ANKS6: variants seen among roughly 807,000 people sequenced by gnomAD.
ANKS6 encodes ankyrin repeat and SAM domain-containing protein 6.
Under a neutral mutation model 77.9 loss-of-function variants are expected in ANKS6, and 47 were observed. That is an observed-to-expected ratio of 0.60 (90% CI 0.48 to 0.77). The LOEUF is 0.77. ANKS6 is among the 30% of genes least tolerant of loss of function. The pLI, the probability that ANKS6 is intolerant of heterozygous loss-of-function variation, is 0.00. For missense variants in ANKS6, 1,150 were observed against 1,159.1 expected, an observed-to-expected ratio of 0.99 and a Z score of 0.11; for synonymous variants, 488 against 501.7, an observed-to-expected ratio of 0.97 and a Z score of 0.37.
intron 2 of ANKS6, among the ~76,000 whole-genome samples, chr9:98,786,911 C>G (rs977190444): frequency 6.6e-6 from 1 of 152,160 alleles, no homozygotes; most frequent in Non-Finnish European, 1.5e-5. Flanking sequence ...CTGGGCAGGT[C>G]CCTTCCTCGC....
chr9:98,746,476 G>A (rs1832138605), intron 13 of ANKS6, among the ~76,000 whole-genome samples: 1 of 152,104 alleles, frequency 6.6e-6, no homozygotes, highest in African/African-American at 2.4e-5. Flanking sequence ...TGTGTGCAAA[G>A]CACCTTCTGA....
chr9:98,735,378 G>T lies in ANKS6; in HGVS notation c.*1141C>A. 2 of 1,092,592 alleles carry T rather than the reference G, an allele frequency of 1.8e-6. No homozygotes were observed. Among genetic ancestry groups the T allele is most frequent in the Non-Finnish European group, 2.2e-6 (2 of 900,878 alleles). The allele number at this position is 1,092,592 out of a possible 1,614,324, so 67.7% of individuals were successfully genotyped here. On this transcript the variant is annotated 3_prime_UTR_variant, in exon 15 of 15. Transcript: ENST00000353234. Reference sequence around the variant, plus strand: ...AGCTAACATAAATGCAACAAGCACTGGCTGAATGAGTCATTCACTGGAAAA... The same window carrying T: ...AGCTAACATAAATGCAACAAGCACTTGCTGAATGAGTCATTCACTGGAAAA...
At chr9:98,777,366 C>G in intron 8 of ANKS6, 39 bp downstream of exon 8, 1 of 1,601,232 alleles carries the variant, frequency 6.2e-7, no homozygotes, top group Non-Finnish European at 8.6e-7. Flanking sequence ...TGATGATTGC[C>G]GGAGACCTAA....
At position 98,796,297 on chromosome 9, in the gene ANKS6, G is replaced by A; in HGVS notation, c.195C>T (p.Val65=). Residue 65 remains valine (V), a synonymous_variant, in exon 1 of 15, where the codon GTC becomes GTT. Coordinates refer to ENST00000353234, the MANE Select transcript of ANKS6 (RefSeq NM_173551.5). ...AGPGAAAAGA[V]GAPVPVDCSD... ...AGCAATCCACGGGCACCGGAGCCCC[G>A]ACTGCCCCCGCCGCTGCGGCCCCGG... 1 of 1,275,730 alleles carries A rather than the reference G, an allele frequency of 7.8e-7. No individual in the cohort carries two copies. The highest frequency in any genetic ancestry group is 2.7e-5 in the South Asian group (1 of 36,758). 79.0% of individuals were successfully genotyped at this position (1,275,730 alleles called of 1,614,324 possible). A position where few individuals can be genotyped will look rare whatever the true frequency, so the allele number is the denominator to read the frequency against.
intron 11 of ANKS6, among the ~76,000 whole-genome samples, 188 bp from the exon 12 acceptor site, chr9:98,756,791 C>T (rs897359503): frequency 6.6e-6 from 1 of 152,070 alleles, no homozygotes; most frequent in Non-Finnish European, 1.5e-5. Flanking sequence ...GAGGAAAATG[C>T]AACCCTGGAG....
At chr9:98,749,959 C>T (rs1832340076) in intron 13 of ANKS6, among the ~76,000 whole-genome samples, 1 of 152,134 alleles carries the variant, frequency 6.6e-6, no homozygotes, top group South Asian at 2.1e-4. Context: ...GGCTGGTGGG[C>T]CTGTGGAGGA....
chr9:98,765,705 C>T (rs1833241544), intron 11 of ANKS6, among the ~76,000 whole-genome samples: 1 of 152,122 alleles, frequency 6.6e-6, no homozygotes. Flanking sequence ...CTCCAGAGAT[C>T]TGGGAAGTAT....
intron 4 of ANKS6, among the ~76,000 whole-genome samples, chr9:98,782,846 G>A (rs1002080914): frequency 6.6e-6 from 1 of 152,308 alleles, no homozygotes; most frequent in African/African-American, 2.4e-5. Context: ...ACTTTGGGAA[G>A]CCAAGGTGGG....
Position 98,732,430 on chromosome 9 carries a change from A to C in ANKS6, c.*4089T>G, listed in dbSNP as rs940617329. ...GACAGCAAGACCCAGAGTCAGGCAC[A>C]TTTGGAGGGCAGGTCCATCGGCCAC... On this transcript the variant is annotated 3_prime_UTR_variant, in exon 15 of 15. Coordinates refer to ENST00000353234, the MANE Select transcript of ANKS6 (RefSeq NM_173551.5). 76 of 1,487,650 alleles carry C rather than the reference A, an allele frequency of 5.1e-5. No homozygotes were observed. The East Asian group carries it at 1.8e-3, about 35-fold the overall frequency. 92.2% of individuals were successfully genotyped at this position (1,487,650 alleles called of 1,614,324 possible).
Position 98,784,878 on chromosome 9 carries a change from T to C in ANKS6, c.863-2A>G. ...TATCAGGTCGCCTTTTCTCCTCATCTGGGTAAACAAAGATTTTTAAAGTTA... is the reference window on the plus strand; with the variant it reads ...TATCAGGTCGCCTTTTCTCCTCATCCGGGTAAACAAAGATTTTTAAAGTTA... On this transcript the variant is annotated splice_acceptor_variant, in intron 2 of 14. Transcript: ENST00000353234. LOFTEE classifies it high-confidence loss of function. 1.2e-6 allele frequency: 2 copies of C among 1,613,162 alleles called. No homozygotes were observed. The highest frequency in any genetic ancestry group is 1.7e-6 in the Non-Finnish European group (2 of 1,179,726).
At chr9:98,793,607 G>A (rs1310819692) in intron 1 of ANKS6, among the ~76,000 whole-genome samples, 1 of 151,924 alleles carries the variant, frequency 6.6e-6, no homozygotes, top group African/African-American at 2.4e-5. Context: ...TGCAACCTCC[G>A]CCTCCCAGGT....
chr9:98,781,869 T>C (rs541664225), intron 5 of ANKS6, among the ~76,000 whole-genome samples: 1 of 152,172 alleles, frequency 6.6e-6, no homozygotes, highest in South Asian at 2.1e-4. Flanking sequence ...TCCAGGTTGA[T>C]AAGAAAGACG....
At chr9:98,776,197 T>C (rs1833909700) in intron 8 of ANKS6, among the ~76,000 whole-genome samples, 1 of 152,114 alleles carries the variant, frequency 6.6e-6, no homozygotes, top group South Asian at 2.1e-4. Flanking sequence ...GCTAAGAACT[T>C]CCTGGGAGTG....
chr9:98,771,662 T>C (rs1833637251), intron 9 of ANKS6, among the ~76,000 whole-genome samples: 1 of 152,192 alleles, frequency 6.6e-6, no homozygotes, highest in African/African-American at 2.4e-5. Flanking sequence ...CTTGGGGCCT[T>C]TGCCCAGGCA....
chr9:98,733,537 G>C lies in ANKS6; in HGVS notation c.*2982C>G. ...CTGGGGAGAAAAAGGTGACCACCAA[G>C]GGCCCTGACCCACTTCCAGGGCTGC... is the stretch of plus-strand genomic sequence containing the variant. On this transcript the variant is annotated 3_prime_UTR_variant, in exon 15 of 15. Coordinates refer to ENST00000353234, the MANE Select transcript of ANKS6 (RefSeq NM_173551.5). The C allele has an allele frequency of 1.0e-6, 1 of 985,508 alleles. No homozygotes were observed. The highest frequency in any genetic ancestry group is 1.2e-6 in the Non-Finnish European group (1 of 829,970). 61.0% of individuals were successfully genotyped at this position (985,508 alleles called of 1,614,324 possible). A position where few individuals can be genotyped will look rare whatever the true frequency, so the allele number is the denominator to read the frequency against.
intron 13 of ANKS6, among the ~76,000 whole-genome samples, chr9:98,748,531 G>A (rs1832265345): frequency 6.6e-6 from 1 of 152,194 alleles, no homozygotes. Context: ...AATAAAGACT[G>A]TGTGGGACTT....
At chr9:98,750,265 G>T (rs1444956367) in intron 13 of ANKS6, among the ~76,000 whole-genome samples, 4 of 83,254 alleles carry the variant, frequency 4.8e-5, no homozygotes, top group Admixed American at 2.2e-4. Context: ...TCATATAAAT[G>T]AAAGCACACC....
chr9:98,790,094 G>C lies in ANKS6; in HGVS notation c.862+10C>G, dbSNP rs1156971172. 1 of 1,543,034 alleles carries C rather than the reference G, an allele frequency of 6.5e-7. No individual in the cohort carries two copies. Among genetic ancestry groups the C allele is most frequent in the South Asian group, 1.2e-5 (1 of 81,672 alleles). On this transcript the variant is annotated intron_variant, in intron 2 of 14. Transcript: ENST00000353234. ...TCCTCTGTGAAGCCACGGGGGGCAT[G>C]CAGCCTGACCTGTTTTGGGCCTGAC...
In ANKS6 at chr9:98,734,764, T is replaced by C. The variant is rs1831399383; in HGVS notation, c.*1755A>G. 1.0e-6 allele frequency: 1 copy of C among 983,218 alleles called. No homozygotes were observed. The highest frequency in any genetic ancestry group is 1.7e-5 in the African/African-American group (1 of 57,308). The allele number at this position is 983,218 out of a possible 1,614,324, so 60.9% of individuals were successfully genotyped here. A position where few individuals can be genotyped will look rare whatever the true frequency, so the allele number is the denominator to read the frequency against. ...GAGGATGAAATGACAAAGGTAAAGC[T>C]GCCAGCACATAGTAGGGGATGAATG... On this transcript the variant is annotated 3_prime_UTR_variant, in exon 15 of 15. Coordinates refer to ENST00000353234, the MANE Select transcript of ANKS6 (RefSeq NM_173551.5).
Sources: gnomAD v4.1 joint callset for allele counts (sites outside exome capture counted in the v4.1 genomes callset) on GRCh38, gnomAD v4.1.1 for gene constraint, MANE v1.5 for transcripts, NCBI Gene and HGNC (gene_info 2026-07-23, HGNC 2026-07-21) for gene names.